Variants in DLG2 observed in about 807,000 individuals in gnomAD.
DLG2 encodes disks large homolog 2.
Under a neutral mutation model 132.5 loss-of-function variants are expected in DLG2, and 45 were observed. The observed-to-expected ratio is 0.34, with a 90% CI of 0.27 to 0.44. DLG2 has a LOEUF of 0.44. Ranked by LOEUF, DLG2 falls within the 20% of genes least tolerant of loss-of-function variation. The pLI is 1.00. For synonymous variants in DLG2, 424 were observed against 419.6 expected (o/e 1.01, Z -0.13); for missense variants, 1,045 against 1,196.9 (o/e 0.87, Z 1.87).
chr11:85,089,648 T>A (rs1258386391), intron 6 of DLG2, among the ~76,000 whole-genome samples: 1 of 152,174 alleles, frequency 6.6e-6, no homozygotes, highest in East Asian at 1.9e-4. Flanking sequence ...ATATACTCAA[T>A]AAAGGGATTG....
intron 6 of DLG2, among the ~76,000 whole-genome samples, chr11:84,667,691 T>A (rs1309084659): frequency 6.6e-6 from 1 of 151,462 alleles, no homozygotes; most frequent in Non-Finnish European, 1.5e-5. Context: ...TAGAGATGGG[T>A]TTTCACCATG....
At chr11:83,760,501 C>G (rs1404439554) in intron 18 of DLG2, among the ~76,000 whole-genome samples, 1 of 151,348 alleles carries the variant, frequency 6.6e-6, no homozygotes, top group African/African-American at 2.4e-5. Flanking sequence ...ATTACAGGTG[C>G]CTGCCACCAC....
At chr11:84,279,429 A>G (rs943692096) in intron 7 of DLG2, among the ~76,000 whole-genome samples, 21 of 152,160 alleles carry the variant, frequency 1.4e-4, no homozygotes, top group African/African-American at 4.8e-4. Flanking sequence ...AACTAGAAAT[A>G]CCATTTGACC....
intron 3 of DLG2, among the ~76,000 whole-genome samples, chr11:85,390,073 T>C (rs1480653769): frequency 6.6e-6 from 1 of 151,926 alleles, no homozygotes; most frequent in East Asian, 1.9e-4. Context: ...GGCAGAATAA[T>C]AACTCACCAA....
chr11:84,174,437 A>C (rs1014795536), intron 8 of DLG2, among the ~76,000 whole-genome samples: 3 of 152,126 alleles, frequency 2.0e-5, no homozygotes, highest in African/African-American at 7.2e-5. Flanking sequence ...TTTCTAGCTA[A>C]ATACCCTGTT....
chr11:85,300,076 G>C (rs940708581), intron 3 of DLG2, among the ~76,000 whole-genome samples: 1 of 152,076 alleles, frequency 6.6e-6, no homozygotes, highest in Non-Finnish European at 1.5e-5. Context: ...AGTATTGACT[G>C]TGTGCCTTGT....
intron 7 of DLG2, among the ~76,000 whole-genome samples, chr11:84,378,783 C>CAAAA (rs57445837): frequency 1.3e-3 from 184 of 143,050 alleles, no homozygotes; most frequent in African/African-American, 4.4e-3. Flanking sequence ...ACAAAAAATA[C>CAAAA]AAAAAAAAAA....
chr11:84,394,338 G>GT (rs201713045), intron 7 of DLG2, among the ~76,000 whole-genome samples: 26,441 of 143,896 alleles, frequency 0.18, 2,771 homozygotes, highest in African/African-American at 0.3. Context: ...AAGTCTTTCA[G>GT]TTTTTTTTTT....
chr11:83,753,877 T>TATATATATC (rs2093519920), intron 18 of DLG2, among the ~76,000 whole-genome samples: 1 of 54,472 alleles, frequency 1.8e-5, no homozygotes, highest in African/African-American at 5.8e-5. Flanking sequence ...ATATATATGA[T>TATATATATC]ATATATCATA....
intron 8 of DLG2, among the ~76,000 whole-genome samples, chr11:84,194,443 A>G (rs962964081): frequency 2.0e-5 from 3 of 152,148 alleles, no homozygotes; most frequent in African/African-American, 4.8e-5. Flanking sequence ...GCACAGACCC[A>G]AAGAGTGAGC....
chr11:84,251,123 G>A (rs986525302), intron 8 of DLG2, 115 bp downstream of exon 8: 2 of 583,104 alleles, frequency 3.4e-6, no homozygotes, highest in African/African-American at 3.9e-5. Context: ...AAAACTACAT[G>A]TCATTCCATA....
chr11:84,302,908 C>G (rs1228711271), intron 7 of DLG2, among the ~76,000 whole-genome samples: 1 of 151,700 alleles, frequency 6.6e-6, no homozygotes, highest in African/African-American at 2.4e-5. Flanking sequence ...CCAACGTGGT[C>G]AAAACGTGTC....
chr11:83,749,023 G>T (rs2093122288), intron 18 of DLG2, among the ~76,000 whole-genome samples: 1 of 152,052 alleles, frequency 6.6e-6, no homozygotes, highest in Non-Finnish European at 1.5e-5. Flanking sequence ...TATCAGTTTT[G>T]ACTGACTCTG....
chr11:84,317,145 T>C (rs2098368350), intron 7 of DLG2: 1 of 1,609,332 alleles, frequency 6.2e-7, no homozygotes, highest in Non-Finnish European at 8.5e-7. Context: ...TATGCATTCA[T>C]ACTGCACTGA....
At chr11:84,661,042 ATTTG>A (rs1160163598) in intron 6 of DLG2, among the ~76,000 whole-genome samples, 2 of 152,162 alleles carry the variant, frequency 1.3e-5, no homozygotes, top group Admixed American at 1.3e-4. Flanking sequence ...AGTGTGCAAA[ATTTG>A]TTTATGATCT....
chr11:84,913,877 A>T (rs1354500528), intron 6 of DLG2, among the ~76,000 whole-genome samples: 1 of 152,224 alleles, frequency 6.6e-6, no homozygotes, highest in Non-Finnish European at 1.5e-5. Flanking sequence ...CAGTTCATAA[A>T]TTAGTCAACT....
chr11:84,550,487 G>T (rs762137532), intron 6 of DLG2, among the ~76,000 whole-genome samples: 1 of 152,128 alleles, frequency 6.6e-6, no homozygotes, highest in Non-Finnish European at 1.5e-5. Flanking sequence ...TGCCTTCACT[G>T]CTCATTCAAG....
chr11:85,133,382 C>A (rs2075886518), intron 5 of DLG2, among the ~76,000 whole-genome samples: 1 of 152,128 alleles, frequency 6.6e-6, no homozygotes, highest in Admixed American at 6.5e-5. Context: ...TGCCGGGAGT[C>A]TAAATGACTC....
At chr11:85,346,396 G>C (rs2082850892) in intron 3 of DLG2, among the ~76,000 whole-genome samples, 1 of 151,972 alleles carries the variant, frequency 6.6e-6, no homozygotes, top group South Asian at 2.1e-4. Context: ...CACCATGTTA[G>C]CCAGGATGGT....
Sources: allele counts gnomAD v4.1 joint callset (sites outside exome capture counted in the v4.1 genomes callset), GRCh38; gene constraint gnomAD v4.1.1; transcripts MANE v1.5; gene names NCBI Gene and HGNC (gene_info 2026-07-23, HGNC 2026-07-21).